Variants in RUNX1 observed in about 807,000 individuals in gnomAD.
RUNX1 encodes the protein RUNX family transcription factor 1.
A neutral mutation model predicts 42.8 loss-of-function variants in RUNX1; 19 were observed. The observed-to-expected ratio is 0.44, with a 90% confidence interval of 0.31 to 0.65. The LOEUF is 0.65. Among genes scored for constraint, RUNX1 ranks in the 30% least tolerant of loss-of-function variants. The pLI, the probability that RUNX1 is intolerant of heterozygous loss-of-function variation, is 0.07. For synonymous variants in RUNX1, 271 were observed against 289.4 expected, an observed-to-expected ratio of 0.94 and a Z score of 0.64; for missense variants, 528 against 672.0, an observed-to-expected ratio of 0.79 and a Z score of 2.37.
intron 2 of RUNX1, among the ~76,000 whole-genome samples, chr21:34,974,039 T>C (rs902301412): frequency 3.9e-5 from 6 of 152,194 alleles, no homozygotes; most frequent in African/African-American, 1.4e-4. Flanking sequence ...CCTCCACACG[T>C]AGATGGAGCT....
chr21:35,034,205 A>G (rs2059291461), intron 2 of RUNX1, among the ~76,000 whole-genome samples: 1 of 152,228 alleles, frequency 6.6e-6, no homozygotes, highest in Non-Finnish European at 1.5e-5. Flanking sequence ...CTGTAAAATT[A>G]GGGAGAGTAA....
At chr21:34,811,709 G>C (rs1293102705) in intron 7 of RUNX1, among the ~76,000 whole-genome samples, 1 of 152,172 alleles carries the variant, frequency 6.6e-6, no homozygotes, top group Non-Finnish European at 1.5e-5. Flanking sequence ...GATCCAGGAA[G>C]TATATTTTCT....
At chr21:35,031,320 C>T (rs2059271420) in intron 2 of RUNX1, among the ~76,000 whole-genome samples, 1 of 152,106 alleles carries the variant, frequency 6.6e-6, no homozygotes, top group African/African-American at 2.4e-5. Context: ...TGCACTCCAG[C>T]CTGGGCAACA....
At chr21:34,942,806 G>C (rs1339272868) in intron 2 of RUNX1, among the ~76,000 whole-genome samples, 1 of 152,170 alleles carries the variant, frequency 6.6e-6, no homozygotes, top group Non-Finnish European at 1.5e-5. Flanking sequence ...GAGCCAGGAG[G>C]CTCCACTCAG....
rs1471763589 is a variant in RUNX1, at chr21:34,790,370, T to C, written c.*1765A>G. 3 of 233,624 alleles carry C rather than the reference T, an allele frequency of 1.3e-5. No homozygotes were observed. Among genetic ancestry groups the C allele is most frequent in the East Asian group, 1.2e-4 (2 of 16,592 alleles). The allele number at this position is 233,624 out of a possible 1,614,324, so 14.5% of individuals were successfully genotyped here. ...ACTGTTCTGAAGTCCTGCTTTCAAA[T>C]ACTCTTCAGAGTTGACCTGAAATCG... On this transcript the variant is annotated 3_prime_UTR_variant, in exon 9 of 9. Coordinates refer to ENST00000675419, the MANE Select transcript of RUNX1 (RefSeq NM_001754.5).
chr21:34,871,693 GCCCATCCTGTGGGCGGCAAA>G (rs1247606620), intron 5 of RUNX1, among the ~76,000 whole-genome samples: 2 of 152,284 alleles, frequency 1.3e-5, no homozygotes, highest in African/African-American at 4.8e-5. Context: ...GCATCTGCAA[GCCCATCCTGTGGGCGGCAAA>G]CCCACAAACC....
rs989285675 is a variant in RUNX1 at position 34,834,673 on chromosome 21, T to C, written c.614-72A>G. 5 of 1,358,174 alleles carry C rather than the reference T, an allele frequency of 3.7e-6. No homozygotes were observed. In the South Asian group the frequency reaches 4.8e-5, roughly 13 times the overall value. The allele number at this position is 1,358,174 out of a possible 1,614,324, so 84.1% of individuals were successfully genotyped here. ...GGAGGGAAGAGATCAGAAAAAGTAT[T>C]GTGGATTTCCTAAAACTGGGGCTTT... On this transcript the variant is annotated intron_variant, in intron 6 of 8. Transcript: ENST00000675419.
intron 6 of RUNX1, among the ~76,000 whole-genome samples, chr21:34,849,141 C>T (rs2057357793): frequency 6.9e-6 from 1 of 145,644 alleles, no homozygotes; most frequent in South Asian, 2.1e-4. Context: ...ATGAAAGTAC[C>T]AAACCAATGT....
chr21:34,930,270 G>GTGTA (rs372412304), intron 2 of RUNX1, among the ~76,000 whole-genome samples: 2,192 of 122,610 alleles, frequency 0.018, 49 homozygotes, highest in African/African-American at 0.045. Context: ...GTGTGTGTAT[G>GTGTA]TATATATATA....
chr21:34,797,986 G>T, intron 8 of RUNX1: 1 of 456,264 alleles, frequency 2.2e-6, no homozygotes, highest in Admixed American at 2.4e-5. Flanking sequence ...GAATTATTTG[G>T]CCCCAAATGT....
At chr21:34,861,343 G>T (rs1601475223) in intron 5 of RUNX1, among the ~76,000 whole-genome samples, 1 of 152,132 alleles carries the variant, frequency 6.6e-6, no homozygotes, top group Admixed American at 6.5e-5. Context: ...CAGGTCCTGG[G>T]GGCAACTGCC....
At chr21:34,925,475 A>G (rs2058386089) in intron 2 of RUNX1, among the ~76,000 whole-genome samples, 2 of 152,174 alleles carry the variant, frequency 1.3e-5, no homozygotes, top group African/African-American at 2.4e-5. Context: ...CACAGACACA[A>G]TGGGAGAAAG....
chr21:34,913,869 T>C (rs2058291749), intron 2 of RUNX1, among the ~76,000 whole-genome samples: 1 of 152,162 alleles, frequency 6.6e-6, no homozygotes. Context: ...AAAATATGCC[T>C]CTATAAAAGG....
chr21:34,957,419 T>C (rs967610089), intron 2 of RUNX1, among the ~76,000 whole-genome samples: 1 of 152,180 alleles, frequency 6.6e-6, no homozygotes, highest in Non-Finnish European at 1.5e-5. Flanking sequence ...CATTTGTCTT[T>C]GGAAGGTAAA....
In RUNX1 at chr21:34,887,027, A is replaced by G. The variant is rs111527738; in HGVS notation, c.167T>C (p.Leu56Ser). ...ALSPGKMSEA[L>S]PLGAPDAGAA... ...GCCGGCGTCCGGGGCGCCCAGCGGC[A>G]ACGCCTCGCTCATCTTGCCTGGGCT... The change falls in exon 4 of 9, where the codon TTG (leucine) becomes TCG (serine). Residue 56 changes from leucine (L) to serine (S), a missense_variant. Physicochemically the swap from Leu to Ser is moderately radical, Grantham distance 145 (BLOSUM62 -2). Coordinates refer to ENST00000675419, the MANE Select transcript of RUNX1 (RefSeq NM_001754.5). 0.018 allele frequency: 29,113 copies of G among 1,601,534 alleles called. 377 individuals carry two copies. Among genetic ancestry groups the G allele is most frequent in the South Asian group, 0.031 (2,796 of 90,948 alleles).
chr21:35,034,787 T>A (rs897336707), intron 2 of RUNX1, among the ~76,000 whole-genome samples: 1 of 152,206 alleles, frequency 6.6e-6, no homozygotes, highest in Non-Finnish European at 1.5e-5. Flanking sequence ...TCAGCCTCCA[T>A]GATGCCTTTC....
At chr21:34,841,803 A>G (rs1172018576) in intron 6 of RUNX1, among the ~76,000 whole-genome samples, 7 of 152,150 alleles carry the variant, frequency 4.6e-5, no homozygotes, top group African/African-American at 1.7e-4. Flanking sequence ...TCCCCTTTTA[A>G]GTTGCAGACT....
intron 2 of RUNX1, among the ~76,000 whole-genome samples, chr21:35,015,214 G>A (rs1282392352): frequency 6.6e-6 from 1 of 152,154 alleles, no homozygotes; most frequent in Non-Finnish European, 1.5e-5. Flanking sequence ...CTGTGACGTG[G>A]GGATCATAAT....
At chr21:34,821,441 T>C (rs1287479552) in intron 7 of RUNX1, 1 of 1,348,456 alleles carries the variant, frequency 7.4e-7, no homozygotes, top group African/African-American at 1.5e-5. Context: ...GCAGGCTAAC[T>C]CATTTAATCC....
Sources: allele counts gnomAD v4.1 joint callset (sites outside exome capture counted in the v4.1 genomes callset), GRCh38; gene constraint gnomAD v4.1.1; transcripts MANE v1.5; gene names NCBI Gene and HGNC (gene_info 2026-07-23, HGNC 2026-07-21).